The following MOK variants were observed in gnomAD, a reference collection of about 807,000 sequenced individuals.
MOK encodes the protein MOK protein kinase, also known as MAPK/MAK/MRK overlapping kinase.
Under a neutral mutation model 54.2 loss-of-function variants are expected in MOK, and 59 were observed. The observed-to-expected ratio is 1.09, with a 90% confidence interval of 0.88 to 1.35. The LOEUF is 1.35. Among genes scored for constraint, MOK ranks in the 40% most tolerant of loss-of-function variants. The probability of loss-of-function intolerance (pLI) is 0.00; values close to 1 mark genes in which losing one functional copy is unlikely to be tolerated. For missense variants in MOK, 517 were observed against 526.2 expected (o/e 0.98, Z 0.17); for synonymous variants, 210 against 202.7 (o/e 1.04, Z -0.31).
At chr14:102,234,734 AC>A (rs1303200105) in intron 7 of MOK, among the ~76,000 whole-genome samples, 1 of 152,160 alleles carries the variant, frequency 6.6e-6, no homozygotes, top group African/African-American at 2.4e-5. Flanking sequence ...TTACTGTAAC[AC>A]CACATGGCCT....
At chr14:102,221,293 G>A (rs116155782), downstream of MOK, among the ~76,000 whole-genome samples, 706 of 152,326 alleles carry the variant, frequency 4.6e-3, 6 homozygotes, top group African/African-American at 0.016. This position sits in a 1 kb window ranked among gnomAD's most constrained non-coding sequence, Gnocchi z 4.8. Context: ...TTGCCGGGGG[G>A]AAGGGAGGTG....
At chr14:102,251,339 A>C (rs771950035) in intron 6 of MOK, 15 of 385,482 alleles carry the variant, frequency 3.9e-5, no homozygotes, top group Non-Finnish European at 6.4e-5. Flanking sequence ...TCTTTTAGCC[A>C]CACAGCCTCA....
At chr14:102,271,180 A>G (rs1173401997) in intron 2 of MOK, among the ~76,000 whole-genome samples, 1 of 152,202 alleles carries the variant, frequency 6.6e-6, no homozygotes, top group Admixed American at 6.5e-5. Context: ...GCGAGACTCC[A>G]TCTCAAAAGA....
chr14:102,285,763 G>A (rs891210163), intron 1 of MOK, among the ~76,000 whole-genome samples: 8 of 152,068 alleles, frequency 5.3e-5, no homozygotes, highest in Non-Finnish European at 8.8e-5. Context: ...GTGATGGTGC[G>A]CACCTGTAAT....
In MOK at chr14:102,229,065, C is replaced by A; in HGVS notation, c.*224G>T. On this transcript the variant is annotated 3_prime_UTR_variant, in exon 12 of 12. Transcript: ENST00000361847. ...ATTCTTAACGAAAATGAAAGAAAAC[C>A]CTAGAATGCGGTGGTTTTACAAGTA... 2.0e-6 allele frequency: 1 copy of A among 507,734 alleles called. No individual in the cohort carries two copies. The highest frequency in any genetic ancestry group is 3.7e-5 in the South Asian group (1 of 26,822). The allele number at this position is 507,734 out of a possible 1,614,324, so 31.5% of individuals were successfully genotyped here. A position where few individuals can be genotyped will look rare whatever the true frequency, so the allele number is the denominator to read the frequency against.
chr14:102,231,446 C>G lies in MOK; in HGVS notation c.981+261G>C, dbSNP rs1267289662. On this transcript the variant is annotated intron_variant, in intron 10 of 11. Transcript: ENST00000361847. The surrounding 1 kb of genome is among the most constrained non-coding windows in gnomAD (Gnocchi z 4.4). ...CAGACACAAAAGTTCATGCAAACAT[C>G]CCCTCTCTGGGCCTGCTCACATGGG... The G allele has an allele frequency of 5.0e-6, 2 of 399,064 alleles. No homozygotes were observed. The highest frequency in any genetic ancestry group is 9.1e-6 in the Non-Finnish European group (2 of 220,472). 24.7% of individuals were successfully genotyped at this position (399,064 alleles called of 1,614,324 possible). A position where few individuals can be genotyped will look rare whatever the true frequency, so the allele number is the denominator to read the frequency against.
rs753928824 is a variant in MOK at position 102,232,622 on chromosome 14, G to A, written c.779C>T (p.Ser260Phe). The A allele has an allele frequency of 1.9e-5, 30 of 1,614,044 alleles. No homozygotes were observed. Among genetic ancestry groups the A allele is most frequent in the Admixed American group, 5.0e-5 (3 of 60,002 alleles). The change falls in exon 9 of 12, where the codon TCC (serine) becomes TTC (phenylalanine). Residue 260 changes from serine to phenylalanine, a missense_variant. Transcript: ENST00000361847. This position sits in a 1 kb window ranked among gnomAD's most constrained non-coding sequence, Gnocchi z 5.1. ...LTTNLSPQCL[S>F]LLHAMVAYDP... is the part of the protein sequence containing the mutation. ...ATAGGCCACCATTGCGTGCAGGAGGGAGAGGCATTGTGGGGACAAATTGGT... is the reference window on the plus strand; with the variant it reads ...ATAGGCCACCATTGCGTGCAGGAGGAAGAGGCATTGTGGGGACAAATTGGT...
chr14:102,305,039 C>T lies in MOK; in HGVS notation c.-71G>A. ...AAAAGAAAGAAGCAGGAAGGTTGTC[C>T]CCCTGCTTTCCACTTCCCTGAGGCG... On this transcript the variant is annotated 5_prime_UTR_variant, in exon 1 of 12. Coordinates refer to ENST00000361847, the MANE Select transcript of MOK (RefSeq NM_014226.3). 2.6e-6 allele frequency: 4 copies of T among 1,545,724 alleles called. No homozygotes were observed. The highest frequency in any genetic ancestry group is 3.5e-6 in the Non-Finnish European group (4 of 1,133,074).
chr14:102,299,397 C>G (rs995514270), intron 1 of MOK, among the ~76,000 whole-genome samples: 2 of 152,102 alleles, frequency 1.3e-5, no homozygotes, highest in Admixed American at 1.3e-4. Flanking sequence ...ACCTATAAAT[C>G]CCAGCTACTC....
At chr14:102,294,075 G>A (rs1048468234) in intron 1 of MOK, among the ~76,000 whole-genome samples, 11 of 152,104 alleles carry the variant, frequency 7.2e-5, no homozygotes, top group African/African-American at 1.2e-4. Flanking sequence ...TTAGGCAGGC[G>A]GATCACCTGA....
At chr14:102,250,472 T>C (rs1242856143) in intron 7 of MOK, among the ~76,000 whole-genome samples, 1 of 151,884 alleles carries the variant, frequency 6.6e-6, no homozygotes, top group African/African-American at 2.4e-5. Context: ...CCCTACCTAA[T>C]ATGACTGCAC....
In MOK at chr14:102,283,600, T is replaced by C; in HGVS notation, c.8-8A>G. ...TGCCAATTGCTTTATAGTCTATAAA[T>C]AAAAATGATTACAAAAATAAAATGT... On this transcript the variant is annotated splice_region_variant and splice_polypyrimidine_tract_variant and intron_variant, in intron 1 of 11. Coordinates refer to ENST00000361847, the MANE Select transcript of MOK (RefSeq NM_014226.3). The C allele has an allele frequency of 6.5e-7, 1 of 1,539,028 alleles. No homozygotes were observed. The highest frequency in any genetic ancestry group is 8.9e-7 in the Non-Finnish European group (1 of 1,119,830).
At chr14:102,298,892 T>A (rs2071793202) in intron 1 of MOK, among the ~76,000 whole-genome samples, 1 of 151,938 alleles carries the variant, frequency 6.6e-6, no homozygotes, top group South Asian at 2.1e-4. Flanking sequence ...AATGAACAAG[T>A]CCAGATGCGC....
intron 7 of MOK, among the ~76,000 whole-genome samples, chr14:102,243,297 C>T (rs1019102766): frequency 6.6e-6 from 1 of 152,170 alleles, no homozygotes; most frequent in Non-Finnish European, 1.5e-5. Context: ...TAAAAACAGC[C>T]CTGGAAGCTG....
In MOK at chr14:102,231,264, C is replaced by G. The variant is rs867706342; in HGVS notation, c.981+443G>C. 3 of 155,112 alleles carry G rather than the reference C, an allele frequency of 1.9e-5. No homozygotes were observed. The highest frequency in any genetic ancestry group is 7.2e-5 in the African/African-American group (3 of 41,576). The allele number at this position is 155,112 out of a possible 1,614,324, so 9.6% of individuals were successfully genotyped here. A position where few individuals can be genotyped will look rare whatever the true frequency, so the allele number is the denominator to read the frequency against. On this transcript the variant is annotated intron_variant, in intron 10 of 11. Transcript: ENST00000361847. This position sits in a 1 kb window ranked among gnomAD's most constrained non-coding sequence, Gnocchi z 4.4. ...GATGGGACGAAGTGCTCATCTGGAG[C>G]CAGGCAGAGACAGTGACTTGAGACC...
intron 10 of MOK, 36 bp from the exon 11 acceptor site, chr14:102,229,693 GCTTT>G (rs1479380026): frequency 6.5e-7 from 1 of 1,527,860 alleles, no homozygotes; most frequent in South Asian, 1.2e-5. Context: ...GACATAAAAC[GCTTT>G]CTGCTTTATG....
At chr14:102,266,299 C>T (rs2067898067) in intron 2 of MOK, among the ~76,000 whole-genome samples, 1 of 151,770 alleles carries the variant, frequency 6.6e-6, no homozygotes, top group African/African-American at 2.4e-5. Flanking sequence ...AGAAAAGACC[C>T]ACCCCTCCTT....
chr14:102,262,957 T>C (rs1008113580), intron 4 of MOK, among the ~76,000 whole-genome samples: 1 of 152,230 alleles, frequency 6.6e-6, no homozygotes, highest in African/African-American at 2.4e-5. Context: ...ATTGGCTCAG[T>C]GTGGGCCAGC....
intron 4 of MOK, among the ~76,000 whole-genome samples, chr14:102,260,869 C>A (rs1266339128): frequency 6.6e-6 from 1 of 152,114 alleles, no homozygotes; most frequent in Admixed American, 6.5e-5. Flanking sequence ...CTCCTATAAT[C>A]CCAGCACTTT....
Sources: allele counts gnomAD v4.1 joint callset (sites outside exome capture counted in the v4.1 genomes callset), GRCh38; gene constraint gnomAD v4.1.1; non-coding constraint Gnocchi (gnomAD v3.1); transcripts MANE v1.5; gene names NCBI Gene and HGNC (gene_info 2026-07-23, HGNC 2026-07-21).